PDE6B: variants seen among roughly 807,000 people sequenced by gnomAD.
PDE6B encodes phosphodiesterase 6B, also known as rod cGMP-specific 3',5'-cyclic phosphodiesterase subunit beta.
PDE6B carries 106 observed loss-of-function variants against 109.0 expected under a neutral mutation model. That is an observed-to-expected ratio of 0.97 (90% CI 0.83 to 1.14). PDE6B has a LOEUF of 1.14. PDE6B is among the 50% of genes most tolerant of loss of function. The pLI, the probability that PDE6B is intolerant of heterozygous loss-of-function variation, is 0.00. For synonymous variants in PDE6B, 490 were observed against 471.3 expected (o/e 1.04, Z -0.51); for missense variants, 1,193 against 1,155.6 (o/e 1.03, Z -0.47).
intron 1 of PDE6B, among the ~76,000 whole-genome samples, chr4:632,229 C>A (rs1465980587): frequency 1.3e-5 from 2 of 151,652 alleles, no homozygotes; most frequent in Non-Finnish European, 2.9e-5. Context: ...CATGTGGTAT[C>A]AGCTGAGAGT....
chr4:654,209 T>A, intron 5 of PDE6B, 55 bp downstream of exon 5: 11 of 1,369,258 alleles, frequency 8.0e-6, no homozygotes, highest in African/African-American at 1.4e-5. Context: ...TTTCCCTGAC[T>A]CCAACTCCAG....
rs374413250 is a variant in PDE6B, at chr4:670,239, ATTTTTTT to A, written c.*147_*153del. On this transcript the variant is annotated 3_prime_UTR_variant, in exon 22 of 22. Transcript: ENST00000496514. The stretch of plus-strand genomic sequence containing the variant: ...ACTGAAGATCATTCTGGATATTTTA[ATTTTTTT>A]TTTTTTTTTTTTTTGAGATGGAGTC... 47 of 863,194 alleles carry A rather than the reference ATTTTTTT, an allele frequency of 5.4e-5. No individual in the cohort carries two copies. Among genetic ancestry groups the A allele is most frequent in the African/African-American group, 1.8e-4 (9 of 48,872 alleles). 53.5% of individuals were successfully genotyped at this position (863,194 alleles called of 1,614,324 possible). A position where few individuals can be genotyped will look rare whatever the true frequency, so the allele number is the denominator to read the frequency against.
intron 12 of PDE6B, 38 bp downstream of exon 12, chr4:660,651 G>A (rs777498277): frequency 1.4e-5 from 23 of 1,599,708 alleles, no homozygotes; most frequent in East Asian, 2.2e-5. Flanking sequence ...AGGTCCCTGA[G>A]GCCGCCCAGG....
At chr4:657,546 C>A in intron 10 of PDE6B, 52 bp downstream of exon 10, 1 of 1,495,714 alleles carries the variant, frequency 6.7e-7, no homozygotes, top group South Asian at 1.1e-5. Context: ...GGCTGTGTGG[C>A]AGGGGCAGGT....
chr4:654,148 T>C lies in PDE6B; in HGVS notation c.921T>C (p.Asp307=). ...CGTACTCGGGCCCACGCACGCCTGA[T>C]GGCCGGGTGAGTCTTAGGGGAGGGG... ...SQPYSGPRTP[D]GREIVFYKVI... The change falls in exon 5 of 22, where the codon GAT becomes GAC. Residue 307 remains aspartate (D), a synonymous_variant. Coordinates refer to ENST00000496514, the MANE Select transcript of PDE6B (RefSeq NM_000283.4). 6.2e-7 allele frequency: 1 copy of C among 1,612,920 alleles called. No individual in the cohort carries two copies. Among genetic ancestry groups the C allele is most frequent in the East Asian group, 2.2e-5 (1 of 44,848 alleles).
At chr4:643,994 C>A (rs1045169407) in intron 3 of PDE6B, among the ~76,000 whole-genome samples, 22 of 145,752 alleles carry the variant, frequency 1.5e-4, no homozygotes, top group Admixed American at 1.4e-3. Context: ...TCTCGGCTCA[C>A]TGCAACCTCC....
At position 626,132 on chromosome 4, in the gene PDE6B, C is replaced by A; in HGVS notation, c.468+38C>A. 1 of 1,247,938 alleles carries A rather than the reference C, an allele frequency of 8.0e-7. No individual in the cohort carries two copies. The highest frequency in any genetic ancestry group is 1.1e-6 in the Non-Finnish European group (1 of 874,656). The allele number at this position is 1,247,938 out of a possible 1,614,324, so 77.3% of individuals were successfully genotyped here. A position where few individuals can be genotyped will look rare whatever the true frequency, so the allele number is the denominator to read the frequency against. ...GGAGCCTCAGGGAGGCGGCTGTGTG[C>A]ATCTCTTGCACCTGTCCCAGGTGTC... is the stretch of plus-strand genomic sequence containing the variant. On this transcript the variant is annotated intron_variant, in intron 1 of 21. Transcript: ENST00000496514. This position sits in a 1 kb window ranked among gnomAD's most constrained non-coding sequence, Gnocchi z 4.6.
chr4:662,891 T>C lies in PDE6B; in HGVS notation c.1833-209T>C, dbSNP rs1024688717. 6.8e-6 allele frequency among the ~76,000 whole-genome samples: 1 copy of C among 147,294 alleles called. No individual in the cohort carries two copies. On this transcript the variant is annotated intron_variant, in intron 14 of 21. Transcript: ENST00000496514. This position sits in a 1 kb window ranked among gnomAD's most constrained non-coding sequence, Gnocchi z 4.3. ...GGTGGCGCACACCTGTGGTCCCAGC[T>C]ACTTAGGAGGCTGAGGTGGGAGGAT...
intron 11 of PDE6B, 75 bp downstream of exon 11, chr4:659,092 C>A: frequency 9.4e-7 from 1 of 1,068,836 alleles, no homozygotes; most frequent in Non-Finnish European, 1.5e-6. Context: ...CTGCATTCTC[C>A]GGGACCCGAC....
At chr4:658,784 A>G (rs1736678339) in intron 10 of PDE6B, among the ~76,000 whole-genome samples, 168 bp from the exon 11 acceptor site, 1 of 152,168 alleles carries the variant, frequency 6.6e-6, no homozygotes, top group South Asian at 2.1e-4. Context: ...TCAGCAGGCC[A>G]TGCACACGGT....
Position 665,400 on chromosome 4 carries a change from T to C in PDE6B, c.2268+71T>C. 3 of 1,073,514 alleles carry C rather than the reference T, an allele frequency of 2.8e-6. No individual in the cohort carries two copies. In the Admixed American group the frequency reaches 5.4e-5, roughly 19 times the overall value. 66.5% of individuals were successfully genotyped at this position (1,073,514 alleles called of 1,614,324 possible). A position where few individuals can be genotyped will look rare whatever the true frequency, so the allele number is the denominator to read the frequency against. Reference sequence around the variant, plus strand: ...AGACCCCTCTTGGTCCTCAGGAGCCTCAGGTCCTGGCTTGGTCTCAGGCAG... The same window carrying C: ...AGACCCCTCTTGGTCCTCAGGAGCCCCAGGTCCTGGCTTGGTCTCAGGCAG... On this transcript the variant is annotated intron_variant, in intron 19 of 21. Transcript: ENST00000496514. The surrounding 1 kb of genome is among the most constrained non-coding windows in gnomAD (Gnocchi z 4.0).
chr4:662,398 C>A lies in PDE6B; in HGVS notation c.1723-111C>A. 2 of 851,616 alleles carry A rather than the reference C, an allele frequency of 2.3e-6. No individual in the cohort carries two copies. Among genetic ancestry groups the A allele is most frequent in the East Asian group, 2.6e-5 (1 of 38,184 alleles). 52.8% of individuals were successfully genotyped at this position (851,616 alleles called of 1,614,324 possible). A position where few individuals can be genotyped will look rare whatever the true frequency, so the allele number is the denominator to read the frequency against. On this transcript the variant is annotated intron_variant, in intron 13 of 21. Coordinates refer to ENST00000496514, the MANE Select transcript of PDE6B (RefSeq NM_000283.4). The surrounding 1 kb of genome is among the most constrained non-coding windows in gnomAD (Gnocchi z 4.3). ...CCGTGCACCGCGCACCCCAGCCCTG[C>A]GGTGGTCGGAGGTCCAACCTCCAAC...
rs1736173823 is a variant in PDE6B at position 655,927 on chromosome 4, T to G, written c.993-13T>G. 1 of 1,587,400 alleles carries G rather than the reference T, an allele frequency of 6.3e-7. No homozygotes were observed. Among genetic ancestry groups the G allele is most frequent in the African/African-American group, 1.3e-5 (1 of 74,362 alleles). The stretch of plus-strand genomic sequence containing the variant: ...CCGGCGTGGCCTATCTGACCCCTGC[T>G]CTCTGCCCACAGCACACCCTCAGCC... On this transcript the variant is annotated splice_polypyrimidine_tract_variant and intron_variant, in intron 6 of 21. Coordinates refer to ENST00000496514, the MANE Select transcript of PDE6B (RefSeq NM_000283.4).
chr4:658,453 C>A (rs1178603702), intron 10 of PDE6B, among the ~76,000 whole-genome samples: 2 of 147,650 alleles, frequency 1.4e-5, no homozygotes, highest in Non-Finnish European at 3.0e-5. Flanking sequence ...GCGGTGGGGG[C>A]AGGTCACCCA....
rs375444694 is a variant in PDE6B at position 636,292 on chromosome 4, A to G, written c.711+323A>G. The stretch of plus-strand genomic sequence containing the variant: ...TATGAGTGACGAGTGAGCAGGGAGC[A>G]GAGGGGCTCCCTGGCAGGTCCAGCC... On this transcript the variant is annotated intron_variant, in intron 3 of 21. Transcript: ENST00000496514. The surrounding 1 kb of genome is among the most constrained non-coding windows in gnomAD (Gnocchi z 4.5). 2.6e-5 allele frequency among the ~76,000 whole-genome samples: 4 copies of G among 152,312 alleles called. No individual in the cohort carries two copies. Among genetic ancestry groups the G allele is most frequent in the African/African-American group, 7.2e-5 (3 of 41,576 alleles).
At position 654,130 on chromosome 4, in the gene PDE6B, G is replaced by A. The variant is rs768183931; in HGVS notation, c.903G>A (p.Ser301=). ...SVLMGESQPY[S]GPRTPDGREI... ...TGATGGGAGAGTCCCAGCCGTACTC[G>A]GGCCCACGCACGCCTGATGGCCGGG... is the stretch of plus-strand genomic sequence containing the variant. The change falls in exon 5 of 22, where the codon TCG becomes TCA. Residue 301 remains serine (S), a synonymous_variant. Transcript: ENST00000496514. The A allele has an allele frequency of 1.4e-5, 23 of 1,613,684 alleles. No individual in the cohort carries two copies. Among genetic ancestry groups the A allele is most frequent in the East Asian group, 2.2e-5 (1 of 44,902 alleles).
Position 663,251 on chromosome 4 carries a change from G to A in PDE6B, c.1920+64G>A, listed in dbSNP as rs1737339000. ...GGGACGCAGCGTCCGCAGGACGGCA[G>A]GGCCGTATCCTGCGGAGCAGGGTTC... On this transcript the variant is annotated intron_variant, in intron 15 of 21. Transcript: ENST00000496514. The surrounding 1 kb of genome is among the most constrained non-coding windows in gnomAD (Gnocchi z 4.0). The A allele has an allele frequency of 2.1e-6, 2 of 935,514 alleles. No individual in the cohort carries two copies. The highest frequency in any genetic ancestry group is 1.3e-5 in the South Asian group (1 of 77,478). The allele number at this position is 935,514 out of a possible 1,614,324, so 58.0% of individuals were successfully genotyped here.
At position 656,928 on chromosome 4, in the gene PDE6B, A is replaced by G. The variant is rs765481943; in HGVS notation, c.1162A>G (p.Ile388Val). 9 of 1,613,058 alleles carry G rather than the reference A, an allele frequency of 5.6e-6. No individual in the cohort carries two copies. The Admixed American group carries it at 1.5e-4, about 27-fold the overall frequency. Residue 388 changes from isoleucine to valine, a missense_variant, in exon 9 of 22, where the codon ATC becomes GTC. Coordinates refer to ENST00000496514, the MANE Select transcript of PDE6B (RefSeq NM_000283.4). ...WLIKNVLSMPIVNKKEEIVGV... is the reference protein window; with the variant it reads ...WLIKNVLSMPVVNKKEEIVGV... ...CATCAAGAATGTGCTGTCCATGCCC[A>G]TCGTCAACAAGAAGGAGGAGATTGT...
chr4:660,984 A>AATTG (rs1553812802), intron 12 of PDE6B, among the ~76,000 whole-genome samples: 1 of 37,988 alleles, frequency 2.6e-5, no homozygotes, highest in Non-Finnish European at 5.1e-5. Flanking sequence ...TAGTTGGATA[A>AATTG]ATGGATGGGT....
Sources: gnomAD v4.1 joint callset for allele counts (sites outside exome capture counted in the v4.1 genomes callset) on GRCh38, gnomAD v4.1.1 for gene constraint, Gnocchi (gnomAD v3.1) non-coding constraint, MANE v1.5 for transcripts, NCBI Gene and HGNC (gene_info 2026-07-23, HGNC 2026-07-21) for gene names.